NTRK1: variants seen among roughly 807,000 people sequenced by gnomAD.
NTRK1 encodes the protein high affinity nerve growth factor receptor.
Under a neutral mutation model 86.8 loss-of-function variants are expected in NTRK1, and 62 were observed. That is an observed-to-expected ratio of 0.71 (90% CI 0.58 to 0.88). NTRK1 has a LOEUF of 0.88. Ranked by LOEUF, NTRK1 falls within the 40% of genes least tolerant of loss-of-function variation. The pLI is 0.00. For synonymous variants in NTRK1, 469 were observed against 456.6 expected, an observed-to-expected ratio of 1.03 and a Z score of -0.35; for missense variants, 967 against 1,078.4, an observed-to-expected ratio of 0.90 and a Z score of 1.45.
chr1:156,845,399 ACCTT>A, intron 2 of NTRK1: 1 of 1,562,818 alleles, frequency 6.4e-7, no homozygotes, highest in Non-Finnish European at 8.7e-7. Context: ...GATGGACGTC[ACCTT>A]CCAAGGGGAT....
In NTRK1 at chr1:156,871,697, G is replaced by A. The variant is rs201110800; in HGVS notation, c.792G>A (p.Thr264=). The A allele has an allele frequency of 6.8e-6, 11 of 1,614,192 alleles. No individual in the cohort carries two copies. The highest frequency in any genetic ancestry group is 2.2e-5 in the East Asian group (1 of 44,884). Residue 264 remains threonine (T), a synonymous_variant, in exon 7 of 17, where the codon ACG becomes ACA. Coordinates refer to ENST00000524377, the MANE Select transcript of NTRK1 (RefSeq NM_002529.4). ...GTGACCTCAACAGGAAGAACGTGAC[G>A]TGCTGGGCAGAGAACGATGTGGGCC... ...VTSDLNRKNV[T]CWAENDVGRA... is the part of the protein sequence containing the mutation.
chr1:156,849,180 C>T, intron 2 of NTRK1: 1 of 1,603,260 alleles, frequency 6.2e-7, no homozygotes, highest in Non-Finnish European at 8.5e-7. Context: ...GAGCTTTCTC[C>T]CTCCCCCGGG....
In NTRK1 at chr1:156,815,970, AG is replaced by A. The variant is rs11325907; in HGVS notation, c.-64+133del. On this transcript the variant is annotated intron_variant, in intron 1 of 16. Coordinates refer to the NTRK1 transcript ENST00000392302. ...CATGGGAGGGTGGGAGAGATGAGGG[AG>A]CTGCACCACGCTGCCGCCCCAGGTT... 0.64 allele frequency: 1,022,102 copies of A among 1,606,954 alleles called. 330,496 individuals carry two copies. Among genetic ancestry groups the A allele is most frequent in the East Asian group, 0.82 (36,518 of 44,706 alleles).
At chr1:156,845,441 G>T (rs1654960634) in intron 2 of NTRK1, 1 of 1,531,136 alleles carries the variant, frequency 6.5e-7, no homozygotes. Flanking sequence ...AGCCCTATCA[G>T]GCCTGTCCGG....
chr1:156,842,904 G>GACCTTAAT (rs1654849726), intron 2 of NTRK1: 11 of 912,920 alleles, frequency 1.2e-5, no homozygotes, highest in Non-Finnish European at 1.9e-5. Context: ...TCCCAATCTT[G>GACCTTAAT]ACCTTAATGG....
At chr1:156,849,052 G>A in intron 2 of NTRK1, 1 of 1,612,296 alleles carries the variant, frequency 6.2e-7, no homozygotes, top group South Asian at 1.1e-5. Context: ...TCTGGCCTGG[G>A]TGGGGCGAGG....
intron 6 of NTRK1, among the ~76,000 whole-genome samples, chr1:156,869,172 A>C (rs1431772123): frequency 1.3e-5 from 2 of 151,788 alleles, no homozygotes; most frequent in African/African-American, 4.8e-5. Context: ...CTCGGGTTCA[A>C]GCGATTCTGC....
intron 1 of NTRK1, among the ~76,000 whole-genome samples, chr1:156,832,191 G>A (rs943865418): frequency 9.9e-5 from 15 of 152,212 alleles, no homozygotes; most frequent in African/African-American, 3.4e-4. Flanking sequence ...GGCTCTCAAG[G>A]TAGTATTTTC....
chr1:156,873,705 A>T lies in NTRK1; in HGVS notation c.923A>T (p.Gln308Leu), dbSNP rs1647705532. ...TGCATCCCCTTCTCTGTGGATGGGC[A>T]GCCGGCACCGTCTCTGCGCTGGCTC... ...HWCIPFSVDG[Q>L]PAPSLRWLFN... The change falls in exon 8 of 17, where the codon CAG becomes CTG. Residue 308 changes from glutamine (Q) to leucine (L), a missense_variant. Gln to Leu is a moderately radical substitution (Grantham distance 113, BLOSUM62 -2). Coordinates refer to ENST00000524377, the MANE Select transcript of NTRK1 (RefSeq NM_002529.4). 6.2e-7 allele frequency: 1 copy of T among 1,611,700 alleles called. No homozygotes were observed. The highest frequency in any genetic ancestry group is 8.5e-7 in the Non-Finnish European group (1 of 1,179,452).
upstream of NTRK1, among the ~76,000 whole-genome samples, chr1:156,857,736 G>A (rs185512201): frequency 6.6e-6 from 1 of 152,318 alleles, no homozygotes; most frequent in African/African-American, 2.4e-5. Flanking sequence ...GGCATCATAG[G>A]ACCTCTCGGG....
upstream of NTRK1, chr1:156,858,410 C>T (rs1655485845): frequency 5.4e-6 from 4 of 735,444 alleles, no homozygotes; most frequent in South Asian, 3.0e-5. Context: ...TTCTCCTGAG[C>T]GCTAACCCCA....
intron 2 of NTRK1, chr1:156,844,718 G>A (rs1654927113): frequency 6.2e-7 from 1 of 1,614,132 alleles, no homozygotes. Flanking sequence ...TCTCCCAAGC[G>A]GCGGTACTTG....
intron 2 of NTRK1, chr1:156,845,607 C>T (rs1411962492): frequency 6.3e-7 from 1 of 1,592,740 alleles, no homozygotes. Flanking sequence ...AGGCCGCGCG[C>T]GCTCTTCGCA....
chr1:156,861,105 T>C lies in NTRK1; in HGVS notation c.171T>C (p.Asp57=), dbSNP rs1368793761. The part of the protein sequence containing the change: ...GLRCTRDGAL[D]SLHHLPGAEN... ...GATGCACCCGGGATGGGGCCCTGGA[T>C]AGCCTCCACCACCTGCCCGGCGCAG... The change falls in exon 1 of 17, where the codon GAT becomes GAC. Residue 57 remains aspartate, a synonymous_variant. Transcript: ENST00000524377. 2 of 1,585,156 alleles carry C rather than the reference T, an allele frequency of 1.3e-6. No homozygotes were observed. The highest frequency in any genetic ancestry group is 1.7e-5 in the Admixed American group (1 of 58,228).
rs1647721884 is a variant in NTRK1, at chr1:156,873,830, C to T, written c.1048C>T (p.Gln350Ter). 1 of 1,611,758 alleles carries T rather than the reference C, an allele frequency of 6.2e-7. No homozygotes were observed. The highest frequency in any genetic ancestry group is 8.5e-7 in the Non-Finnish European group (1 of 1,178,980). ...TVRHGCLRLNQPTHVNNGNYT... is the reference protein window; with the variant it reads ...TVRHGCLRLN ...GCGGCACGGGTGTCTGCGCCTCAAC[C>T]AGCCCACCCACGTCAACAACGGCAA... The change falls in exon 8 of 17, where the codon CAG becomes TAG. Residue 350 changes from glutamine to a stop codon, truncating the protein, a stop_gained. Coordinates refer to ENST00000524377, the MANE Select transcript of NTRK1 (RefSeq NM_002529.4). LOFTEE classifies it high-confidence loss of function.
chr1:156,837,117 G>A (rs145265849), intron 1 of NTRK1: 1 of 152,344 alleles, frequency 6.6e-6, no homozygotes, highest in Non-Finnish European at 1.5e-5. Flanking sequence ...AGCTGCAGCT[G>A]AGGAATTGAT....
At chr1:156,840,844 G>A (rs1248543723) in intron 1 of NTRK1, 1 of 1,557,328 alleles carries the variant, frequency 6.4e-7, no homozygotes, top group Non-Finnish European at 8.8e-7. Context: ...GTCTCCCCAT[G>A]GGAGGCCAGC....
At chr1:156,850,191 C>T (rs1328430515) in intron 2 of NTRK1, among the ~76,000 whole-genome samples, 6 of 152,154 alleles carry the variant, frequency 3.9e-5, no homozygotes, top group Non-Finnish European at 5.9e-5. Context: ...CACGAGCCAC[C>T]GCATCTGGCC....
At chr1:156,854,000 G>T (rs1174280974) in intron 2 of NTRK1, 2 of 1,613,776 alleles carry the variant, frequency 1.2e-6, no homozygotes, top group Non-Finnish European at 1.7e-6. Context: ...GGCCCCAAGT[G>T]CAGGCAGTGC....
Sources: gnomAD v4.1 joint callset for allele counts (sites outside exome capture counted in the v4.1 genomes callset) on GRCh38, gnomAD v4.1.1 for gene constraint, MANE v1.5 for transcripts, NCBI Gene and HGNC (gene_info 2026-07-23, HGNC 2026-07-21) for gene names.